Variants in ZFAND3 observed in about 807,000 individuals in gnomAD.
ZFAND3 encodes AN1-type zinc finger protein 3.
Under a neutral mutation model 29.6 loss-of-function variants are expected in ZFAND3, and 10 were observed. The observed-to-expected ratio is 0.34, with a 90% CI of 0.21 to 0.57. The LOEUF (loss-of-function observed/expected upper bound fraction) is 0.57, where lower values mean the gene tolerates loss of function less well. Ranked by LOEUF, ZFAND3 falls within the 20% of genes least tolerant of loss-of-function variation. ZFAND3 has a pLI of 0.86. For synonymous variants in ZFAND3, 128 were observed against 112.6 expected (o/e 1.14, Z -0.87); for missense variants, 230 against 304.5 (o/e 0.76, Z 1.82).
intron 5 of ZFAND3, among the ~76,000 whole-genome samples, chr6:38,134,183 G>A (rs1232463495): frequency 2.6e-5 from 4 of 152,098 alleles, no homozygotes; most frequent in South Asian, 2.1e-4. Context: ...TTGGTCTCCC[G>A]CTGTACCTGG....
intron 1 of ZFAND3, among the ~76,000 whole-genome samples, chr6:37,870,292 CAAAAAAA>C (rs1174577231): frequency 2.4e-4 from 8 of 33,496 alleles, no homozygotes; most frequent in Middle Eastern, 0.033. Flanking sequence ...GAGACTGTCT[CAAAAAAA>C]AAAAAAAAAA....
At chr6:37,991,677 C>T (rs1266490133) in intron 2 of ZFAND3, among the ~76,000 whole-genome samples, 1 of 152,180 alleles carries the variant, frequency 6.6e-6, no homozygotes, top group Non-Finnish European at 1.5e-5. Context: ...TGTTTCTGCA[C>T]AGTAGCATAT....
chr6:37,910,369 A>G (rs1765497706), intron 1 of ZFAND3, among the ~76,000 whole-genome samples: 1 of 150,922 alleles, frequency 6.6e-6, no homozygotes, highest in African/African-American at 2.5e-5. Flanking sequence ...TAATTAAGTA[A>G]TGTCCAGTTT....
At chr6:38,097,220 C>T (rs1193564730) in intron 4 of ZFAND3, among the ~76,000 whole-genome samples, 2 of 151,598 alleles carry the variant, frequency 1.3e-5, no homozygotes, top group Admixed American at 6.6e-5. Flanking sequence ...GAACCACAGT[C>T]CTGCACCAGC....
At chr6:37,977,903 CTCTTCCTT>C (rs57674653) in intron 2 of ZFAND3, among the ~76,000 whole-genome samples, 9 of 116,636 alleles carry the variant, frequency 7.7e-5, no homozygotes, top group South Asian at 3.0e-4. Context: ...CTCTCCTCTC[CTCTTCCTT>C]TCTTCCTTTC....
intron 1 of ZFAND3, among the ~76,000 whole-genome samples, chr6:37,920,461 G>A (rs1581762351): frequency 6.6e-6 from 1 of 151,924 alleles, no homozygotes; most frequent in African/African-American, 2.4e-5. Flanking sequence ...TATATACAGG[G>A]CCACAGATGA....
At chr6:37,956,090 C>T (rs1762082021) in intron 2 of ZFAND3, among the ~76,000 whole-genome samples, 1 of 152,088 alleles carries the variant, frequency 6.6e-6, no homozygotes, top group African/African-American at 2.4e-5. Context: ...CTCTGTGAAA[C>T]ATCTAAAATC....
chr6:37,989,377 A>G (rs766271086), intron 2 of ZFAND3, among the ~76,000 whole-genome samples: 26 of 152,174 alleles, frequency 1.7e-4, no homozygotes, highest in Non-Finnish European at 2.9e-4. Flanking sequence ...CATGCTGGCT[A>G]TTGTTGGGTT....
chr6:37,963,992 C>T (rs771596006), intron 2 of ZFAND3, among the ~76,000 whole-genome samples: 39 of 152,124 alleles, frequency 2.6e-4, no homozygotes, highest in Non-Finnish European at 5.3e-4. Flanking sequence ...TTGGCTTGGG[C>T]TAGTGTTCCA....
At chr6:37,852,376 C>G (rs1026800339) in intron 1 of ZFAND3, among the ~76,000 whole-genome samples, 5 of 152,204 alleles carry the variant, frequency 3.3e-5, no homozygotes, top group African/African-American at 9.6e-5. Flanking sequence ...AAAGAATTAC[C>G]TGGCAGTGAC....
At chr6:37,870,581 A>G (rs1041008682) in intron 1 of ZFAND3, among the ~76,000 whole-genome samples, 6 of 146,704 alleles carry the variant, frequency 4.1e-5, no homozygotes, top group Middle Eastern at 3.2e-3. Context: ...CCTTGGCGAC[A>G]GAGCAAGGCT....
In ZFAND3 at chr6:37,831,798, C is replaced by T. The variant is rs1367930533; in HGVS notation, c.71+11782C>T. 2.0e-5 allele frequency among the ~76,000 whole-genome samples: 3 copies of T among 152,172 alleles called. No homozygotes were observed. In the East Asian group the frequency reaches 5.8e-4, roughly 29 times the overall value. On this transcript the variant is annotated intron_variant, in intron 1 of 5. Coordinates refer to ENST00000287218, the MANE Select transcript of ZFAND3 (RefSeq NM_021943.3). ...GTGCAAACACAAGTCCATATGTTAGCTGCAGTGTATGGCAGGAGGCAAGAC... is the reference window on the plus strand; with the variant it reads ...GTGCAAACACAAGTCCATATGTTAGTTGCAGTGTATGGCAGGAGGCAAGAC...
At chr6:38,128,148 A>T (rs1038716229) in intron 5 of ZFAND3, among the ~76,000 whole-genome samples, 1 of 152,244 alleles carries the variant, frequency 6.6e-6, no homozygotes, top group African/African-American at 2.4e-5. Context: ...AGTCAAAATA[A>T]TCGGATTTTT....
chr6:38,049,715 G>T (rs1387944117), intron 2 of ZFAND3, among the ~76,000 whole-genome samples: 1 of 152,138 alleles, frequency 6.6e-6, no homozygotes, highest in Admixed American at 6.5e-5. Context: ...GAAGATCATT[G>T]TCATCTTCTC....
At chr6:37,972,107 T>C (rs1379416078) in intron 2 of ZFAND3, among the ~76,000 whole-genome samples, 1 of 152,246 alleles carries the variant, frequency 6.6e-6, no homozygotes, top group Admixed American at 6.5e-5. Context: ...TTCCTTCCTT[T>C]GGGTTAAACA....
chr6:37,927,469 C>A (rs972217794), intron 1 of ZFAND3, among the ~76,000 whole-genome samples: 2 of 152,184 alleles, frequency 1.3e-5, no homozygotes, highest in Admixed American at 6.5e-5. Flanking sequence ...GGGGAGGGGA[C>A]AATCCCAATA....
chr6:37,960,700 C>G (rs1762179497), intron 2 of ZFAND3, among the ~76,000 whole-genome samples: 1 of 152,214 alleles, frequency 6.6e-6, no homozygotes, highest in Non-Finnish European at 1.5e-5. Flanking sequence ...ACAGAAACTT[C>G]TCTCATCACA....
chr6:37,875,901 G>A (rs1764784893), intron 1 of ZFAND3, among the ~76,000 whole-genome samples: 1 of 151,796 alleles, frequency 6.6e-6, no homozygotes, highest in Non-Finnish European at 1.5e-5. Flanking sequence ...AAACTTCTGG[G>A]CTCAAGTGAT....
intron 3 of ZFAND3, among the ~76,000 whole-genome samples, chr6:38,081,285 A>G (rs1190034993): frequency 2.0e-5 from 3 of 151,828 alleles, no homozygotes; most frequent in Non-Finnish European, 4.4e-5. Context: ...AAAATTTCCC[A>G]TCTGTGTCTT....
Sources: allele counts gnomAD v4.1 joint callset (sites outside exome capture counted in the v4.1 genomes callset), GRCh38; gene constraint gnomAD v4.1.1; transcripts MANE v1.5; gene names NCBI Gene and HGNC (gene_info 2026-07-23, HGNC 2026-07-21).